ZSCAN5A: variants seen among roughly 807,000 people sequenced by gnomAD.
ZSCAN5A encodes zinc finger and SCAN domain-containing protein 5A.
Under a neutral mutation model 23.7 loss-of-function variants are expected in ZSCAN5A, and 12 were observed. That is an observed-to-expected ratio of 0.51 (90% confidence interval 0.32 to 0.82). The LOEUF is 0.82. Among genes scored for constraint, ZSCAN5A ranks in the 40% least tolerant of loss-of-function variants. ZSCAN5A has a pLI of 0.03. For synonymous variants in ZSCAN5A, 257 were observed against 239.9 expected (o/e 1.07, Z -0.66); for missense variants, 597 against 617.9 (o/e 0.97, Z 0.36).
rs73619495 is a variant in ZSCAN5A at position 56,228,412 on chromosome 19, A to G, written c.-127-3239T>C. On this transcript the variant is annotated intron_variant, in intron 2 of 5. Transcript: ENST00000683990. ...GGTTTAGGGCCATAGAGTCCATTTT[A>G]CGTAATCGGCGTTGATTATGGTTCC... The G allele has an allele frequency of 4.1e-4, 402 of 985,220 alleles. 1 individual carries two copies. The African/African-American group carries it at 6.8e-3, about 17-fold the overall frequency. The allele number at this position is 985,220 out of a possible 1,614,324, so 61.0% of individuals were successfully genotyped here. A position where few individuals can be genotyped will look rare whatever the true frequency, so the allele number is the denominator to read the frequency against.
At chr19:56,319,451 G>A (rs1239482863), upstream of ZSCAN5A, among the ~76,000 whole-genome samples, 3 of 138,496 alleles carry the variant, frequency 2.2e-5, no homozygotes, top group Non-Finnish European at 4.5e-5. Flanking sequence ...AGCCGAGATT[G>A]CACCACCGCA....
intron 2 of ZSCAN5A, among the ~76,000 whole-genome samples, chr19:56,348,398 T>A (rs2041648057): frequency 6.6e-6 from 1 of 152,150 alleles, no homozygotes; most frequent in Non-Finnish European, 1.5e-5. Flanking sequence ...AGCCTCCAAG[T>A]TAACCCTAGG....
chr19:56,221,620 C>T lies in ZSCAN5A; in HGVS notation c.1446G>A (p.Leu482=). 1 of 1,611,226 alleles carries T rather than the reference C, an allele frequency of 6.2e-7. No individual in the cohort carries two copies. The highest frequency in any genetic ancestry group is 8.5e-7 in the Non-Finnish European group (1 of 1,178,780). The part of the protein sequence containing the change: ...KCPRAFSRLK[L]LRRHQKTHPE... ...GATGTGTTTTCTGGTGGCGTCTTAA[C>T]AATTTCAGCCGACTGAAGGCTCTTG... The change falls in exon 6 of 6, where the codon TTG becomes TTA. Residue 482 remains leucine, a synonymous_variant. Transcript: ENST00000683990.
chr19:56,320,982 C>T (rs746793958), intron 2 of ZSCAN5A: 48 of 718,796 alleles, frequency 6.7e-5, no homozygotes, highest in African/African-American at 4.2e-4. Context: ...AGGGTATCTT[C>T]GCCACAGACC....
intron 2 of ZSCAN5A, among the ~76,000 whole-genome samples, chr19:56,226,848 T>C (rs997610060): frequency 1.3e-5 from 2 of 152,056 alleles, no homozygotes; most frequent in African/African-American, 4.8e-5. Flanking sequence ...GAGTCATACC[T>C]CACACCTCAG....
In ZSCAN5A at chr19:56,264,717, T is replaced by C. The variant is rs115532213; in HGVS notation, c.-127-39544A>G. ...TCACTACAGTGGCAAAGTTGAGTAA[T>C]TGCGACAGGGACCATATGGCTAACA... is the stretch of plus-strand genomic sequence containing the variant. On this transcript the variant is annotated intron_variant, in intron 2 of 5. Transcript: ENST00000683990. Among the ~76,000 whole-genome samples, 997 of 152,314 alleles carry C rather than the reference T, an allele frequency of 6.5e-3. 12 individuals are homozygous for C. The highest frequency in any genetic ancestry group is 0.023 in the African/African-American group (946 of 41,564).
At chr19:56,284,084 C>G (rs984153039) in intron 2 of ZSCAN5A, 1 of 778,840 alleles carries the variant, frequency 1.3e-6, no homozygotes, top group African/African-American at 1.9e-5. Flanking sequence ...CATCTGACCT[C>G]GTTTTTGGTT....
rs143763174 is a variant in ZSCAN5A at position 56,325,139 on chromosome 19, C to T, written c.-357-8871G>A. Reference sequence around the variant, plus strand: ...CTGGTGAGTGTAAATAGATGTATATCTTTTCCCTTCTTCCCTCCCCATTGC... The same window carrying T: ...CTGGTGAGTGTAAATAGATGTATATTTTTTCCCTTCTTCCCTCCCCATTGC... On this transcript the variant is annotated intron_variant, in intron 2 of 6. Coordinates refer to the ZSCAN5A transcript ENST00000587340. 1.6e-3 allele frequency among the ~76,000 whole-genome samples: 239 copies of T among 152,358 alleles called. 2 individuals are homozygous for T. In the East Asian group the frequency reaches 0.032, roughly 20 times the overall value.
intron 2 of ZSCAN5A, chr19:56,301,925 A>G: frequency 1.6e-6 from 2 of 1,231,984 alleles, no homozygotes; most frequent in Non-Finnish European, 2.0e-6. Context: ...TAAGGCAGGA[A>G]GGGAAGGCCA....
At chr19:56,244,266 C>T (rs765671530) in intron 2 of ZSCAN5A, 18 of 1,608,316 alleles carry the variant, frequency 1.1e-5, no homozygotes, top group Non-Finnish European at 1.4e-5. Flanking sequence ...TGGCTGAGGC[C>T]CGACCTCCAC....
At chr19:56,271,751 C>G (rs1370777149) in intron 2 of ZSCAN5A, among the ~76,000 whole-genome samples, 1 of 152,164 alleles carries the variant, frequency 6.6e-6, no homozygotes, top group South Asian at 2.1e-4. Context: ...TACACACAAC[C>G]CTCTGTTTCT....
intron 2 of ZSCAN5A, among the ~76,000 whole-genome samples, chr19:56,303,381 G>A (rs1298095498): frequency 6.6e-6 from 1 of 151,968 alleles, no homozygotes; most frequent in East Asian, 1.9e-4. Flanking sequence ...GGGAGGCTGA[G>A]GCAGGAGAAT....
At chr19:56,324,085 A>G (rs879281324) in intron 2 of ZSCAN5A, among the ~76,000 whole-genome samples, 2 of 152,052 alleles carry the variant, frequency 1.3e-5, no homozygotes, top group Non-Finnish European at 2.9e-5. Flanking sequence ...TATTCATTCT[A>G]TCCAACTGTA....
intron 2 of ZSCAN5A, among the ~76,000 whole-genome samples, chr19:56,331,802 T>C (rs945525706): frequency 3.3e-5 from 5 of 151,990 alleles, no homozygotes; most frequent in African/African-American, 1.2e-4. Flanking sequence ...GCCAGGCTGG[T>C]CTTGAACTCC....
intron 2 of ZSCAN5A, among the ~76,000 whole-genome samples, chr19:56,327,374 C>T (rs2041444332): frequency 6.6e-6 from 1 of 151,778 alleles, no homozygotes; most frequent in South Asian, 2.1e-4. Flanking sequence ...ATCTCACCTC[C>T]CAAAGTGGGG....
Position 56,313,000 on chromosome 19 carries a change from G to C in ZSCAN5A, c.-128+283C>G, listed in dbSNP as rs545106708. The stretch of plus-strand genomic sequence containing the variant: ...CTGCTATGATTATGATTGTTTATTT[G>C]TAAGTGCAGAGGTCTGGGCTCCCAT... On this transcript the variant is annotated intron_variant, in intron 2 of 5. Coordinates refer to ENST00000683990, the MANE Select transcript of ZSCAN5A (RefSeq NM_001322064.3). Among the ~76,000 whole-genome samples, 36 of 152,334 alleles carry C rather than the reference G, an allele frequency of 2.4e-4. No individual in the cohort carries two copies. In the South Asian group the frequency reaches 5.8e-3, roughly 25 times the overall value.
At chr19:56,342,474 A>G in intron 2 of ZSCAN5A, 1 of 403,898 alleles carries the variant, frequency 2.5e-6, no homozygotes, top group African/African-American at 2.1e-5. Context: ...TTCATAGGCA[A>G]ATTCTGTGTG....
At chr19:56,358,593 A>G (rs77268235) in intron 2 of ZSCAN5A, among the ~76,000 whole-genome samples, 1,844 of 152,348 alleles carry the variant, frequency 0.012, 33 homozygotes, top group African/African-American at 0.043. Context: ...AGAGATCTAC[A>G]TAAGTCTCCA....
Position 56,223,666 on chromosome 19 carries a change from T to A in ZSCAN5A, c.553A>T (p.Ile185Phe). ...GACAATGCAGGGACCCTGGGCAGGA[T>A]CTGCAGCTCTCGGTGGGCCTGGCCT... ...GEGQAHRELQ[I>F]LPRVPALSRR... The change falls in exon 4 of 6, where the codon ATC (isoleucine) becomes TTC (phenylalanine). Residue 185 changes from isoleucine (I) to phenylalanine (F), a missense_variant. Coordinates refer to ENST00000683990, the MANE Select transcript of ZSCAN5A (RefSeq NM_001322064.3). 1.2e-6 allele frequency: 2 copies of A among 1,613,850 alleles called. No homozygotes were observed. The highest frequency in any genetic ancestry group is 1.1e-5 in the South Asian group (1 of 91,062).
Sources: gnomAD v4.1 joint callset for allele counts (sites outside exome capture counted in the v4.1 genomes callset) on GRCh38, gnomAD v4.1.1 for gene constraint, MANE v1.5 for transcripts, NCBI Gene and HGNC (gene_info 2026-07-23, HGNC 2026-07-21) for gene names.